The following HTR5A variants were observed in gnomAD, a reference collection of about 807,000 sequenced individuals.
The protein encoded by HTR5A is 5-hydroxytryptamine receptor 5A.
A neutral mutation model predicts 24.3 loss-of-function variants in HTR5A; 21 were observed. The observed-to-expected ratio is 0.86, with a 90% CI of 0.61 to 1.24. HTR5A has a LOEUF of 1.24. Among genes scored for constraint, HTR5A ranks in the 50% most tolerant of loss-of-function variants. HTR5A has a pLI of 0.00. For missense variants in HTR5A, 497 were observed against 489.5 expected, an observed-to-expected ratio of 1.02 and a Z score of -0.15; for synonymous variants, 260 against 213.7, an observed-to-expected ratio of 1.22 and a Z score of -1.89.
In HTR5A at chr7:155,071,276, C is replaced by T. The variant is rs769172803; in HGVS notation, c.377C>T (p.Thr126Met). The T allele has an allele frequency of 3.0e-5, 48 of 1,607,714 alleles. No individual in the cohort carries two copies. Among genetic ancestry groups the T allele is most frequent in the Non-Finnish European group, 3.8e-5 (45 of 1,179,870 alleles). Residue 126 changes from threonine to methionine, a missense_variant, in exon 1 of 2, where the codon ACG becomes ATG. By Grantham distance (81) the Thr-to-Met change is moderately conservative (BLOSUM62 -1). Coordinates refer to ENST00000287907, the MANE Select transcript of HTR5A (RefSeq NM_024012.4). ...LWIACDVLCC[T>M]ASIWNVTAIA... Reference sequence around the variant, plus strand: ...ATCGCGTGCGACGTGCTTTGCTGCACGGCCAGCATCTGGAACGTGACGGCC... The same window carrying T: ...ATCGCGTGCGACGTGCTTTGCTGCATGGCCAGCATCTGGAACGTGACGGCC...
Position 155,070,436 on chromosome 7 carries a change from A to C in HTR5A, c.-464A>C. On this transcript the variant is annotated 5_prime_UTR_variant, in exon 1 of 2. Coordinates refer to ENST00000287907, the MANE Select transcript of HTR5A (RefSeq NM_024012.4). ...AAACTGGCTTCCCTAGCACGGAGTT[A>C]AGGCTGCAGCCGGCTGCCTAGAGAG... is the stretch of plus-strand genomic sequence containing the variant. The C allele has an allele frequency of 2.2e-6, 1 of 444,708 alleles. No individual in the cohort carries two copies. The allele number at this position is 444,708 out of a possible 1,614,324, so 27.5% of individuals were successfully genotyped here.
intron 1 of HTR5A, among the ~76,000 whole-genome samples, chr7:155,081,592 C>T (rs1037884444): frequency 6.6e-6 from 1 of 152,184 alleles, no homozygotes; most frequent in African/African-American, 2.4e-5. Context: ...AACCCTATTT[C>T]CTCTCTTTCT....
In HTR5A at chr7:155,084,075, C is replaced by T. The variant is rs560122572; in HGVS notation, c.742-80C>T. ...TTTCCCTTGAGTGGATGTGCGGAAT[C>T]CAGGCCTGTCAGTGTCCAGGCTCAG... On this transcript the variant is annotated intron_variant, in intron 1 of 1. Coordinates refer to ENST00000287907, the MANE Select transcript of HTR5A (RefSeq NM_024012.4). 9.5e-5 allele frequency: 112 copies of T among 1,179,210 alleles called. No individual in the cohort carries two copies. The African/African-American group carries it at 1.3e-3, about 14-fold the overall frequency. The allele number at this position is 1,179,210 out of a possible 1,614,324, so 73.0% of individuals were successfully genotyped here. A position where few individuals can be genotyped will look rare whatever the true frequency, so the allele number is the denominator to read the frequency against.
At chr7:155,073,916 T>TACATATATATATATAC in intron 1 of HTR5A, among the ~76,000 whole-genome samples, 1 of 131,706 alleles carries the variant, frequency 7.6e-6, no homozygotes, top group African/African-American at 2.8e-5. Context: ...TATATATATA[T>TACATATATATATATAC]GTATATATAT....
Position 155,071,491 on chromosome 7 carries a change from C to T in HTR5A, c.592C>T (p.Pro198Ser). 6.2e-7 allele frequency: 1 copy of T among 1,614,158 alleles called. No individual in the cohort carries two copies. The highest frequency in any genetic ancestry group is 2.2e-5 in the East Asian group (1 of 44,874). ...GSEECQVSRE[P>S]SYAVFSTVGA... ...CGAGGAGTGCCAGGTAAGCCGCGAG[C>T]CTTCCTACGCCGTGTTCTCCACCGT... is the stretch of plus-strand genomic sequence containing the variant. The change falls in exon 1 of 2, where the codon CCT becomes TCT. Residue 198 changes from proline (P) to serine (S), a missense_variant. Pro to Ser is a moderately conservative substitution (Grantham distance 74, BLOSUM62 -1). Coordinates refer to ENST00000287907, the MANE Select transcript of HTR5A (RefSeq NM_024012.4).
In HTR5A at chr7:155,072,382, T is replaced by C. The variant is rs191193317; in HGVS notation, c.741+742T>C. ...ACTTGTCTGCCTTCCTGAACATGAG[T>C]AAAGCTGCGGAAGGAAATTAAAAAT... On this transcript the variant is annotated intron_variant, in intron 1 of 1. Coordinates refer to ENST00000287907, the MANE Select transcript of HTR5A (RefSeq NM_024012.4). 1.3e-3 allele frequency among the ~76,000 whole-genome samples: 203 copies of C among 152,182 alleles called. 1 individual carries two copies. Among genetic ancestry groups the C allele is most frequent in the African/African-American group, 4.6e-3 (190 of 41,532 alleles).
Position 155,070,469 on chromosome 7 carries a change from G to A in HTR5A, c.-431G>A, listed in dbSNP as rs543522270. 1.0e-3 allele frequency: 416 copies of A among 410,984 alleles called. 1 individual carries two copies. The highest frequency in any genetic ancestry group is 1.7e-3 in the Non-Finnish European group (344 of 206,808). The allele number at this position is 410,984 out of a possible 1,614,324, so 25.5% of individuals were successfully genotyped here. ...AGCCGGCTGCCTAGAGAGAAGGGTGGGCAGGGAGACAACGCGGTGAGAGCG... is the reference window on the plus strand; with the variant it reads ...AGCCGGCTGCCTAGAGAGAAGGGTGAGCAGGGAGACAACGCGGTGAGAGCG... On this transcript the variant is annotated 5_prime_UTR_variant, in exon 1 of 2. Coordinates refer to ENST00000287907, the MANE Select transcript of HTR5A (RefSeq NM_024012.4).
chr7:155,071,671 C>A (rs1175451588), intron 1 of HTR5A, 31 bp downstream of exon 1: 4 of 1,604,096 alleles, frequency 2.5e-6, no homozygotes, highest in Middle Eastern at 1.7e-4. Context: ...TAAAAATACT[C>A]GACTTGCATC....
At chr7:155,077,400 T>A (rs546392438) in intron 1 of HTR5A, among the ~76,000 whole-genome samples, 1 of 152,256 alleles carries the variant, frequency 6.6e-6, no homozygotes, top group East Asian at 1.9e-4. Context: ...CAGAAATTTG[T>A]CAATTTGTCA....
In HTR5A at chr7:155,071,344, T is replaced by C. The variant is rs755726585; in HGVS notation, c.445T>C (p.Tyr149His). 2.5e-5 allele frequency: 41 copies of C among 1,613,430 alleles called. No individual in the cohort carries two copies. The South Asian group carries it at 4.5e-4, about 18-fold the overall frequency. ...CTGGTCCATCACGCGCCACATGGAA[T>C]ACACGCTCCGCACCCGCAAGTGCGT... is the stretch of plus-strand genomic sequence containing the variant. ...RYWSITRHME[Y>H]TLRTRKCVSN... Residue 149 changes from tyrosine (Y) to histidine (H), a missense_variant, in exon 1 of 2, where the codon TAC becomes CAC. By Grantham distance (83) the Tyr-to-His change is moderately conservative. Transcript: ENST00000287907.
chr7:155,081,058 A>C (rs116413771), intron 1 of HTR5A, among the ~76,000 whole-genome samples: 2,029 of 152,304 alleles, frequency 0.013, 40 homozygotes, highest in African/African-American at 0.041. Flanking sequence ...GTTATAGAAC[A>C]ATCAGTCTTG....
At chr7:155,078,309 A>T (rs1795379295) in intron 1 of HTR5A, among the ~76,000 whole-genome samples, 1 of 152,174 alleles carries the variant, frequency 6.6e-6, no homozygotes, top group Admixed American at 6.5e-5. Flanking sequence ...TTCTTATTAA[A>T]TTCCCAAATT....
In HTR5A at chr7:155,071,330, C is replaced by A. The variant is rs764637143; in HGVS notation, c.431C>A (p.Thr144Lys). 1.9e-6 allele frequency: 3 copies of A among 1,612,800 alleles called. No homozygotes were observed. Among genetic ancestry groups the A allele is most frequent in the African/African-American group, 1.3e-5 (1 of 75,074 alleles). ...GCCCTGGACCGCTACTGGTCCATCA[C>A]GCGCCACATGGAATACACGCTCCGC... ...AIALDRYWSI[T>K]RHMEYTLRTR... is the part of the protein sequence containing the mutation. Residue 144 changes from threonine (T) to lysine (K), a missense_variant, in exon 1 of 2, where the codon ACG (threonine) becomes AAG (lysine). Physicochemically the swap from Thr to Lys is moderately conservative, Grantham distance 78. Coordinates refer to ENST00000287907, the MANE Select transcript of HTR5A (RefSeq NM_024012.4).
Position 155,070,331 on chromosome 7 carries a change from G to C in HTR5A, c.-569G>C. ...GGTCTCGGTGGGCGCGCCAGCATTC[G>C]CTCTCCGGAGCTGCAGCCTCCGAAG... On this transcript the variant is annotated 5_prime_UTR_variant, in exon 1 of 2. Transcript: ENST00000287907. 1 of 275,076 alleles carries C rather than the reference G, an allele frequency of 3.6e-6. No homozygotes were observed. The highest frequency in any genetic ancestry group is 2.2e-5 in the South Asian group (1 of 44,602). 17.0% of individuals were successfully genotyped at this position (275,076 alleles called of 1,614,324 possible).
At chr7:155,072,426 T>C (rs1371822) in intron 1 of HTR5A, among the ~76,000 whole-genome samples, 138,853 of 152,176 alleles carry the variant, frequency 0.91, 64,689 homozygotes, top group East Asian at 1. Flanking sequence ...GAGAATTCCC[T>C]AGCTCTCTAT....
intron 1 of HTR5A, chr7:155,074,629 A>T (rs1157984033): frequency 6.6e-6 from 1 of 152,206 alleles, no homozygotes; most frequent in Non-Finnish European, 1.5e-5. Context: ...GGAGGTAGAG[A>T]CAGTGTGAAC....
At chr7:155,074,846 A>G (rs1368828917) in intron 1 of HTR5A, 2 of 152,172 alleles carry the variant, frequency 1.3e-5, no homozygotes, top group Non-Finnish European at 2.9e-5. Flanking sequence ...ATACATGTAG[A>G]CAAACAACAG....
chr7:155,071,450 C>T lies in HTR5A; in HGVS notation c.551C>T (p.Thr184Met), dbSNP rs569927491. ...CCGCTGCTTTTTGGCTGGGGAGAGA[C>T]GTACTCTGAGGGCAGCGAGGAGTGC... ...LAPLLFGWGETYSEGSEECQV... is the reference protein window; with the variant it reads ...LAPLLFGWGEMYSEGSEECQV... Residue 184 changes from threonine (T) to methionine (M), a missense_variant, in exon 1 of 2, where the codon ACG becomes ATG. By Grantham distance (81) the Thr-to-Met change is moderately conservative (BLOSUM62 -1). Coordinates refer to ENST00000287907, the MANE Select transcript of HTR5A (RefSeq NM_024012.4). The T allele has an allele frequency of 1.5e-4, 246 of 1,614,208 alleles. 2 individuals are homozygous for T. In the South Asian group the frequency reaches 2.0e-3, roughly 13 times the overall value.
intron 1 of HTR5A, among the ~76,000 whole-genome samples, chr7:155,072,874 C>T (rs1270893846): frequency 6.6e-6 from 1 of 151,880 alleles, no homozygotes; most frequent in African/African-American, 2.4e-5. Flanking sequence ...AGAGGTGTAG[C>T]TAGGGAAAAA....
Sources: gnomAD v4.1 joint callset for allele counts (sites outside exome capture counted in the v4.1 genomes callset) on GRCh38, gnomAD v4.1.1 for gene constraint, MANE v1.5 for transcripts, NCBI Gene and HGNC (gene_info 2026-07-23, HGNC 2026-07-21) for gene names.